FRMD3: variants seen among roughly 807,000 people sequenced by gnomAD.
FRMD3 encodes FERM domain-containing protein 3.
FRMD3 carries 33 observed loss-of-function variants against 70.2 expected under a neutral mutation model. That is an observed-to-expected ratio of 0.47 (90% CI 0.36 to 0.63). FRMD3 has a LOEUF of 0.63. FRMD3 is among the 20% of genes least tolerant of loss of function. FRMD3 has a pLI of 0.00. For missense variants in FRMD3, 632 were observed against 711.4 expected (o/e 0.89, Z 1.27); for synonymous variants, 279 against 255.9 (o/e 1.09, Z -0.86).
chr9:83,271,700 C>T (rs1279648635), intron 13 of FRMD3, among the ~76,000 whole-genome samples: 2 of 152,186 alleles, frequency 1.3e-5, no homozygotes, highest in Non-Finnish European at 2.9e-5. Context: ...CACTGTTCCT[C>T]TTATGATTTC....
At position 83,349,751 on chromosome 9, in the gene FRMD3, G is replaced by A. The variant is rs769838552; in HGVS notation, c.302C>T (p.Pro101Leu). 2 of 1,609,060 alleles carry A rather than the reference G, an allele frequency of 1.2e-6. No homozygotes were observed. Among genetic ancestry groups the A allele is most frequent in the East Asian group, 2.2e-5 (1 of 44,832 alleles). The change falls in exon 4 of 14, where the codon CCA becomes CTA. Residue 101 changes from proline to leucine, a missense_variant. Around this residue, in one of 3 missense-constraint regions of FRMD3, gnomAD observed 208 missense variants for 247.7 expected, o/e 0.84. Coordinates refer to ENST00000304195, the MANE Select transcript of FRMD3 (RefSeq NM_174938.6). ...CACTCTAAAGCACATGGTGTATGGT[G>A]GATGAGCTGAAACATCATAAAGAAA... is the stretch of plus-strand genomic sequence containing the variant. ...KSIFKQMKTH[P>L]PYTMCFRVKF... is the part of the protein sequence containing the mutation.
chr9:83,280,980 C>T (rs1833957301), intron 13 of FRMD3, among the ~76,000 whole-genome samples: 1 of 152,146 alleles, frequency 6.6e-6, no homozygotes, highest in African/African-American at 2.4e-5. Flanking sequence ...CTGACCAGAG[C>T]CTCTTCTCTG....
intron 4 of FRMD3, among the ~76,000 whole-genome samples, chr9:83,348,031 T>C (rs1051405252): frequency 3.9e-5 from 6 of 152,200 alleles, no homozygotes; most frequent in African/African-American, 1.4e-4. Flanking sequence ...TGAAATGCTG[T>C]ACTCTTTTAC....
intron 13 of FRMD3, among the ~76,000 whole-genome samples, chr9:83,263,474 T>A (rs184962778): frequency 4.0e-5 from 6 of 149,708 alleles, no homozygotes; most frequent in African/African-American, 1.5e-4. Context: ...AATCATTACA[T>A]GTCATGGCAA....
chr9:83,381,921 T>C (rs1463897054), intron 2 of FRMD3, among the ~76,000 whole-genome samples: 1 of 152,150 alleles, frequency 6.6e-6, no homozygotes, highest in East Asian at 1.9e-4. Context: ...CAGAATTAGC[T>C]GAGTTCCAAT....
At chr9:83,427,367 G>A (rs1159877545) in intron 1 of FRMD3, among the ~76,000 whole-genome samples, 2 of 152,192 alleles carry the variant, frequency 1.3e-5, no homozygotes, top group African/African-American at 4.8e-5. Context: ...TCCACTCCAT[G>A]TGCTCTTTAT....
chr9:83,453,874 C>A (rs970673182), intron 1 of FRMD3, among the ~76,000 whole-genome samples: 12 of 151,914 alleles, frequency 7.9e-5, no homozygotes, highest in African/African-American at 2.4e-4. Context: ...TGCCACCACG[C>A]CTGGCTAATT....
the FRMD3 span, among the ~76,000 whole-genome samples, chr9:83,581,511 G>C: frequency 6.6e-6 from 1 of 152,174 alleles, no homozygotes; most frequent in East Asian, 1.9e-4. Context: ...CTGTTGATGG[G>C]AATGTAAAAT....
At chr9:83,405,245 G>A (rs764373513) in intron 1 of FRMD3, among the ~76,000 whole-genome samples, 1 of 152,122 alleles carries the variant, frequency 6.6e-6, no homozygotes, top group African/African-American at 2.4e-5. Flanking sequence ...CAGTGCCCAG[G>A]TGTGCAACAG....
intron 2 of FRMD3, among the ~76,000 whole-genome samples, chr9:83,379,556 G>C (rs535285415): frequency 6.6e-6 from 1 of 152,122 alleles, no homozygotes; most frequent in Non-Finnish European, 1.5e-5. Flanking sequence ...AGAAAGCTAA[G>C]ACCCCATCAT....
At chr9:83,426,243 C>A (rs1826807275) in intron 1 of FRMD3, among the ~76,000 whole-genome samples, 1 of 152,226 alleles carries the variant, frequency 6.6e-6, no homozygotes. Context: ...GGAAAAGCAA[C>A]AAGCCATTGT....
At position 83,350,332 on chromosome 9, in the gene FRMD3, ACT is replaced by A. The variant is rs775392738; in HGVS notation, c.296-577_296-576del. 3.3e-5 allele frequency among the ~76,000 whole-genome samples: 5 copies of A among 152,028 alleles called. No homozygotes were observed. The East Asian group carries it at 9.7e-4, about 29-fold the overall frequency. ...GGCAGTCACCTGTATGAAAATAAAC[ACT>A]GTTGGCCGGCTGGTCGTGGTGTCTC... On this transcript the variant is annotated intron_variant, in intron 3 of 13. Transcript: ENST00000304195.
chr9:83,563,943 G>A, the FRMD3 span, among the ~76,000 whole-genome samples: 7 of 152,156 alleles, frequency 4.6e-5, no homozygotes, highest in South Asian at 6.2e-4. Flanking sequence ...CTTAAAATTC[G>A]TCTCCTGGCA....
At chr9:83,331,788 T>C in intron 6 of FRMD3, 1 of 705,604 alleles carries the variant, frequency 1.4e-6, no homozygotes, top group South Asian at 1.5e-5. Context: ...AAAACAACTC[T>C]ATTAGTCAAT....
chr9:83,352,630 G>T (rs990270214), intron 3 of FRMD3, among the ~76,000 whole-genome samples: 1 of 152,120 alleles, frequency 6.6e-6, no homozygotes, highest in East Asian at 1.9e-4. Flanking sequence ...ACACTTGTGG[G>T]CCTTCTGAGT....
intron 10 of FRMD3, among the ~76,000 whole-genome samples, chr9:83,303,287 G>A (rs1319801843): frequency 6.6e-6 from 1 of 152,140 alleles, no homozygotes; most frequent in Admixed American, 6.5e-5. Context: ...CAGGAGGAAG[G>A]GATCCGCATT....
chr9:83,506,286 C>T (rs574833313), intron 1 of FRMD3, among the ~76,000 whole-genome samples: 1 of 152,098 alleles, frequency 6.6e-6, no homozygotes, highest in South Asian at 2.1e-4. Flanking sequence ...TTTAAAGAAA[C>T]CAAATAATGG....
chr9:83,367,450 G>A (rs1824825964), intron 3 of FRMD3, among the ~76,000 whole-genome samples: 1 of 152,154 alleles, frequency 6.6e-6, no homozygotes. Context: ...AACTATTTAA[G>A]GACTCTGAAA....
At chr9:83,353,753 C>G (rs1382456977) in intron 3 of FRMD3, among the ~76,000 whole-genome samples, 1 of 152,156 alleles carries the variant, frequency 6.6e-6, no homozygotes, top group South Asian at 2.1e-4. Flanking sequence ...TCTTCCCACT[C>G]AATATCTGGA....
Sources: allele counts gnomAD v4.1 joint callset (sites outside exome capture counted in the v4.1 genomes callset), GRCh38; gene constraint gnomAD v4.1.1; regional missense constraint gnomAD v4.1.1; transcripts MANE v1.5; gene names NCBI Gene and HGNC (gene_info 2026-07-23, HGNC 2026-07-21).